The following ZFPM2 variants were observed in gnomAD, a reference collection of about 807,000 sequenced individuals.
ZFPM2 encodes the protein zinc finger protein ZFPM2.
ZFPM2 carries 20 observed loss-of-function variants against 98.6 expected under a neutral mutation model. The ratio of observed to expected loss-of-function variants is 0.20; its 90% confidence interval spans 0.14 to 0.29. ZFPM2 has a LOEUF of 0.29. Ranked by LOEUF, ZFPM2 falls within the 10% of genes least tolerant of loss-of-function variation. The probability of loss-of-function intolerance (pLI) is 1.00; values close to 1 mark genes in which losing one functional copy is unlikely to be tolerated. For missense variants in ZFPM2, 1,310 were observed against 1,388.6 expected (o/e 0.94, Z 0.90); for synonymous variants, 518 against 502.7 (o/e 1.03, Z -0.41).
chr8:105,771,931 C>T (rs1244421687), intron 5 of ZFPM2, among the ~76,000 whole-genome samples: 1 of 152,086 alleles, frequency 6.6e-6, no homozygotes, highest in African/African-American at 2.4e-5. Flanking sequence ...GTGAGAGATG[C>T]TAATGTTCTT....
intron 5 of ZFPM2, among the ~76,000 whole-genome samples, chr8:105,778,580 C>T (rs1053677854): frequency 1.3e-5 from 2 of 151,960 alleles, no homozygotes; most frequent in African/African-American, 4.8e-5. Flanking sequence ...AATGTGCCTA[C>T]AAGAGATCAT....
chr8:105,465,270 A>C (rs1314427060), intron 3 of ZFPM2, among the ~76,000 whole-genome samples: 1 of 152,196 alleles, frequency 6.6e-6, no homozygotes, highest in East Asian at 1.9e-4. Context: ...GACATTAAAA[A>C]ATACAGAATT....
At chr8:105,613,461 TGTG>T (rs1421277395) in intron 4 of ZFPM2, among the ~76,000 whole-genome samples, 1 of 151,978 alleles carries the variant, frequency 6.6e-6, no homozygotes, top group East Asian at 1.9e-4. Context: ...AAATAACAAA[TGTG>T]GTAAAAAAAA....
intron 1 of ZFPM2, among the ~76,000 whole-genome samples, chr8:105,336,165 G>A (rs897535220): frequency 2.0e-5 from 3 of 151,706 alleles, no homozygotes; most frequent in African/African-American, 7.3e-5. Context: ...TGGGGTTCAC[G>A]TTCCTGCTCT....
chr8:105,790,408 G>C (rs879293606), intron 6 of ZFPM2, among the ~76,000 whole-genome samples: 24 of 152,048 alleles, frequency 1.6e-4, no homozygotes, highest in Non-Finnish European at 2.9e-4. Context: ...GTAGATATGC[G>C]GCATTATTTC....
chr8:105,646,263 C>G lies in ZFPM2; in HGVS notation c.532+11906C>G, dbSNP rs1192396861. On this transcript the variant is annotated intron_variant, in intron 5 of 7. Transcript: ENST00000407775. ...CCTCCACAGACCGGCCAGAACCACT[C>G]TGTGGTTAGCAGTCTCCCATCAGGA... 3.3e-5 allele frequency among the ~76,000 whole-genome samples: 5 copies of G among 152,130 alleles called. No homozygotes were observed. The East Asian group carries it at 7.7e-4, about 23-fold the overall frequency.
intron 3 of ZFPM2, among the ~76,000 whole-genome samples, chr8:105,517,706 A>C (rs1586430723): frequency 5.4e-5 from 2 of 37,344 alleles, no homozygotes; most frequent in Non-Finnish European, 1.3e-4. Flanking sequence ...ACACACACAC[A>C]CCACACACAC....
At chr8:105,768,846 CACAT>C (rs967432332) in intron 5 of ZFPM2, among the ~76,000 whole-genome samples, 52 of 151,828 alleles carry the variant, frequency 3.4e-4, no homozygotes, top group African/African-American at 1.2e-3. Context: ...CACGCACGCA[CACAT>C]ACATACACAC....
At chr8:105,500,574 A>G (rs1358343026) in intron 3 of ZFPM2, among the ~76,000 whole-genome samples, 1 of 152,190 alleles carries the variant, frequency 6.6e-6, no homozygotes, top group Non-Finnish European at 1.5e-5. Context: ...CCTGAAAATA[A>G]TAAAAAGAGA....
intron 5 of ZFPM2, among the ~76,000 whole-genome samples, chr8:105,711,876 CTT>C (rs1811409751): frequency 6.6e-6 from 1 of 152,016 alleles, no homozygotes; most frequent in African/African-American, 2.4e-5. Context: ...AAAATCAAAA[CTT>C]TTATTATGAG....
chr8:105,416,141 A>G (rs1000941418), intron 1 of ZFPM2, among the ~76,000 whole-genome samples: 8 of 151,776 alleles, frequency 5.3e-5, no homozygotes, highest in Non-Finnish European at 8.8e-5. Context: ...TTATGTATAT[A>G]TAAATATACA....
chr8:105,633,160 C>T (rs1166185891), intron 4 of ZFPM2, among the ~76,000 whole-genome samples: 4 of 152,170 alleles, frequency 2.6e-5, no homozygotes, highest in African/African-American at 2.4e-5. Flanking sequence ...TGGAACTCCT[C>T]AAGTGAATAC....
chr8:105,378,647 T>G (rs2129854675), intron 1 of ZFPM2, among the ~76,000 whole-genome samples: 1 of 152,324 alleles, frequency 6.6e-6, no homozygotes, highest in South Asian at 2.1e-4. Context: ...TATATTTCTT[T>G]TAATAATGAA....
At chr8:105,544,724 C>T (rs938627793) in intron 3 of ZFPM2, among the ~76,000 whole-genome samples, 1 of 152,188 alleles carries the variant, frequency 6.6e-6, no homozygotes, top group Non-Finnish European at 1.5e-5. Context: ...AGCAAAATTA[C>T]TTAAGAAAAG....
chr8:105,613,813 C>T (rs1318359685), intron 4 of ZFPM2, among the ~76,000 whole-genome samples: 1 of 152,010 alleles, frequency 6.6e-6, no homozygotes, highest in Non-Finnish European at 1.5e-5. Flanking sequence ...TCCAGAATAT[C>T]AAATCATTTT....
intron 1 of ZFPM2, among the ~76,000 whole-genome samples, chr8:105,413,758 A>C (rs952936027): frequency 1.3e-5 from 2 of 151,768 alleles, no homozygotes; most frequent in African/African-American, 4.8e-5. Context: ...TCCCATTGAC[A>C]TAGATTCTTT....
chr8:105,511,913 A>G (rs1813825889), intron 3 of ZFPM2, among the ~76,000 whole-genome samples: 1 of 152,208 alleles, frequency 6.6e-6, no homozygotes, highest in South Asian at 2.1e-4. Flanking sequence ...TGGGAGGCCA[A>G]GGCAGGCGGA....
intron 4 of ZFPM2, among the ~76,000 whole-genome samples, chr8:105,564,907 G>T (rs1815212589): frequency 6.6e-6 from 1 of 152,044 alleles, no homozygotes; most frequent in Non-Finnish European, 1.5e-5. Context: ...AATTTGGACA[G>T]TACTATAATA....
At chr8:105,417,997 A>T (rs1811711797) in intron 1 of ZFPM2, among the ~76,000 whole-genome samples, 1 of 152,186 alleles carries the variant, frequency 6.6e-6, no homozygotes, top group African/African-American at 2.4e-5. Flanking sequence ...ATATGAATTT[A>T]GTCCTTTTAC....
Sources: gnomAD v4.1 joint callset for allele counts (sites outside exome capture counted in the v4.1 genomes callset) on GRCh38, gnomAD v4.1.1 for gene constraint, MANE v1.5 for transcripts, NCBI Gene and HGNC (gene_info 2026-07-23, HGNC 2026-07-21) for gene names.